ZKSCAN5: variants seen among roughly 807,000 people sequenced by gnomAD.
ZKSCAN5 encodes zinc finger protein with KRAB and SCAN domains 5.
In ZKSCAN5, 28 loss-of-function variants were observed where a neutral mutation model predicts 60.0. The observed-to-expected ratio is 0.47, with a 90% CI of 0.35 to 0.64. The LOEUF (loss-of-function observed/expected upper bound fraction) is 0.64, where lower values mean the gene tolerates loss of function less well. ZKSCAN5 is among the 30% of genes least tolerant of loss of function. ZKSCAN5 has a pLI of 0.01. For missense variants in ZKSCAN5, 881 were observed against 1,034.6 expected (o/e 0.85, Z 2.04); for synonymous variants, 361 against 371.2 (o/e 0.97, Z 0.31).
chr7:99,514,366 G>A (rs1317708901), intron 3 of ZKSCAN5, among the ~76,000 whole-genome samples: 1 of 152,088 alleles, frequency 6.6e-6, no homozygotes, highest in African/African-American at 2.4e-5. Context: ...CTACTGAGTT[G>A]CCTAATAATA....
chr7:99,531,303 C>G lies in ZKSCAN5; in HGVS notation c.1574C>G (p.Pro525Arg), dbSNP rs749817361. ...GIPMKEILGQ[P>R]SSKRMNYSEV... ...CCCATGAAAGAGATACTAGGACAAC[C>G]ATCTTCAAAGAGGATGAACTACAGT... Residue 525 changes from proline to arginine, a missense_variant, in exon 7 of 7, where the codon CCA (proline) becomes CGA (arginine). Around this residue, in one of 5 missense-constraint regions of ZKSCAN5, gnomAD observed 490 missense variants for 554.5 expected, o/e 0.88. Transcript: ENST00000326775. The G allele has an allele frequency of 1.2e-6, 2 of 1,614,108 alleles. No homozygotes were observed. The highest frequency in any genetic ancestry group is 2.2e-5 in the South Asian group (2 of 91,074).
chr7:99,513,927 C>T (rs1001727798), intron 3 of ZKSCAN5, among the ~76,000 whole-genome samples: 7 of 152,032 alleles, frequency 4.6e-5, no homozygotes, highest in Non-Finnish European at 1.0e-4. Context: ...TGCCTGTAAT[C>T]CCAGCTACTC....
chr7:99,532,531 G>C lies in ZKSCAN5; in HGVS notation c.*282G>C. ...CATGGTCGAGGAATTCGGAAAGCCTGCAGTTGACATTCAGTCTTCACTTGA... is the reference window on the plus strand; with the variant it reads ...CATGGTCGAGGAATTCGGAAAGCCTCCAGTTGACATTCAGTCTTCACTTGA... On this transcript the variant is annotated 3_prime_UTR_variant, in exon 7 of 7. Transcript: ENST00000326775. 3.4e-6 allele frequency: 1 copy of C among 292,516 alleles called. No individual in the cohort carries two copies. Among genetic ancestry groups the C allele is most frequent in the Non-Finnish European group, 6.3e-6 (1 of 158,696 alleles). The allele number at this position is 292,516 out of a possible 1,614,324, so 18.1% of individuals were successfully genotyped here.
chr7:99,515,833 C>CA (rs1165846971), intron 3 of ZKSCAN5, among the ~76,000 whole-genome samples: 463 of 66,496 alleles, frequency 7.0e-3, no homozygotes, highest in Middle Eastern at 0.012. Context: ...GACTCCATCT[C>CA]AAAAAAAAAA....
chr7:99,511,319 C>T (rs1342077074), intron 2 of ZKSCAN5, among the ~76,000 whole-genome samples: 1 of 152,174 alleles, frequency 6.6e-6, no homozygotes, highest in African/African-American at 2.4e-5. Context: ...GTGTGACTTA[C>T]TGAGTGCTAT....
Position 99,532,236 on chromosome 7 carries a change from G to C in ZKSCAN5, c.2507G>C (p.Gly836Ala). 1 of 1,580,226 alleles carries C rather than the reference G, an allele frequency of 6.3e-7. No homozygotes were observed. Among genetic ancestry groups the C allele is most frequent in the Non-Finnish European group, 8.6e-7 (1 of 1,167,910 alleles). ...TDPINTLSVEGSLL is the reference protein window; with the variant it reads ...TDPINTLSVEASLL ...CCCATAAATACCTTAAGTGTAGAGG[G>C]GTCTCTGTTGTAGAATAGCTCTTAA... The change falls in exon 7 of 7, where the codon GGG becomes GCG. Residue 836 changes from glycine to alanine, a missense_variant. Coordinates refer to ENST00000326775, the MANE Select transcript of ZKSCAN5 (RefSeq NM_145102.4).
intron 3 of ZKSCAN5, among the ~76,000 whole-genome samples, chr7:99,512,912 T>G (rs577231340): frequency 1.1e-4 from 17 of 151,768 alleles, no homozygotes; most frequent in African/African-American, 3.4e-4. Flanking sequence ...GTGCCATGCT[T>G]GTGTGCTGCA....
At position 99,533,351 on chromosome 7, in the gene ZKSCAN5, G is replaced by C. The variant is rs1802138342; in HGVS notation, c.*1102G>C. On this transcript the variant is annotated 3_prime_UTR_variant, in exon 7 of 7. Transcript: ENST00000326775. ...AGGATGACATGTGTGAGAGAGTTCT[G>C]AGCCTGTTTGCTAGGGAGAGTGAGT... 1 of 612,690 alleles carries C rather than the reference G, an allele frequency of 1.6e-6. No homozygotes were observed. Among genetic ancestry groups the C allele is most frequent in the South Asian group, 1.8e-5 (1 of 54,384 alleles). 38.0% of individuals were successfully genotyped at this position (612,690 alleles called of 1,614,324 possible).
At chr7:99,506,823 C>T (rs1272173014) in intron 2 of ZKSCAN5, among the ~76,000 whole-genome samples, 1 of 151,772 alleles carries the variant, frequency 6.6e-6, no homozygotes, top group Non-Finnish European at 1.5e-5. Flanking sequence ...GCTGGGACTG[C>T]AGGCGTCCGC....
chr7:99,512,372 T>C (rs1801073843), intron 2 of ZKSCAN5, 81 bp from the exon 3 acceptor site: 1 of 1,523,036 alleles, frequency 6.6e-7, no homozygotes, highest in African/African-American at 1.4e-5. Context: ...AAGGAATGAA[T>C]GAAAGTCCAC....
intron 3 of ZKSCAN5, among the ~76,000 whole-genome samples, chr7:99,519,506 G>C (rs929940570): frequency 6.6e-6 from 1 of 151,756 alleles, no homozygotes; most frequent in East Asian, 1.9e-4. Flanking sequence ...TTGAATCCTG[G>C]CCTCAAGTGA....
chr7:99,526,657 C>T (rs112672753), intron 6 of ZKSCAN5, among the ~76,000 whole-genome samples: 21 of 152,268 alleles, frequency 1.4e-4, no homozygotes, highest in African/African-American at 2.2e-4. Flanking sequence ...CCGGTTCAAG[C>T]GATTCTCCTG....
At chr7:99,521,802 A>G (rs1240531417) in intron 5 of ZKSCAN5, among the ~76,000 whole-genome samples, 1 of 151,720 alleles carries the variant, frequency 6.6e-6, no homozygotes, top group African/African-American at 2.4e-5. Flanking sequence ...ATGATTATTG[A>G]TTTTTCATGG....
chr7:99,531,577 G>A lies in ZKSCAN5; in HGVS notation c.1848G>A (p.Val616=). 1 of 1,614,194 alleles carries A rather than the reference G, an allele frequency of 6.2e-7. No individual in the cohort carries two copies. The highest frequency in any genetic ancestry group is 8.5e-7 in the Non-Finnish European group (1 of 1,180,028). The change falls in exon 7 of 7, where the codon GTG becomes GTA. Residue 616 remains valine (V), a synonymous_variant. Coordinates refer to ENST00000326775, the MANE Select transcript of ZKSCAN5 (RefSeq NM_145102.4). ...CCTTATGTGGGAAAGCCTTCAGAGT[G>A]AGGTCCCACCTTGTTCAGCATCAGA... The part of the protein sequence containing the change: ...TCPLCGKAFR[V]RSHLVQHQSV...
intron 2 of ZKSCAN5, among the ~76,000 whole-genome samples, chr7:99,511,795 A>ATT (rs879714117): frequency 7.8e-6 from 1 of 128,166 alleles, no homozygotes; most frequent in Non-Finnish European, 1.7e-5. Flanking sequence ...CTTCTCATCC[A>ATT]TTTTTTTTTT....
chr7:99,512,313 T>C (rs1801070667), intron 2 of ZKSCAN5, 140 bp from the exon 3 acceptor site: 1 of 1,006,694 alleles, frequency 9.9e-7, no homozygotes, highest in African/African-American at 1.6e-5. Flanking sequence ...ATTAAGTAAC[T>C]GCATAATCAG....
intron 2 of ZKSCAN5, among the ~76,000 whole-genome samples, chr7:99,510,507 C>T (rs199663341): frequency 3.3e-5 from 5 of 152,018 alleles, no homozygotes; most frequent in Admixed American, 6.6e-5. Context: ...TGCAATGGCA[C>T]GATCTCGGCT....
intron 5 of ZKSCAN5, among the ~76,000 whole-genome samples, chr7:99,523,482 G>A (rs1056137536): frequency 6.6e-6 from 1 of 152,114 alleles, no homozygotes; most frequent in Non-Finnish European, 1.5e-5. Context: ...TTAGCTAGGC[G>A]TGGTGGTGCA....
Position 99,531,088 on chromosome 7 carries a change from T to C in ZKSCAN5, c.1379-20T>C. 1 of 1,557,646 alleles carries C rather than the reference T, an allele frequency of 6.4e-7. No homozygotes were observed. The highest frequency in any genetic ancestry group is 1.2e-5 in the South Asian group (1 of 80,694). ...AAAAAAGAACTGATGACATTTTCACTTGCTCTTTATTTTTTTTAGGCAGTG... is the reference window on the plus strand; with the variant it reads ...AAAAAAGAACTGATGACATTTTCACCTGCTCTTTATTTTTTTTAGGCAGTG... On this transcript the variant is annotated intron_variant, in intron 6 of 6. Transcript: ENST00000326775.
Sources: gnomAD v4.1 joint callset for allele counts (sites outside exome capture counted in the v4.1 genomes callset) on GRCh38, gnomAD v4.1.1 for gene constraint, gnomAD v4.1.1 regional missense constraint, MANE v1.5 for transcripts, NCBI Gene and HGNC (gene_info 2026-07-23, HGNC 2026-07-21) for gene names.